CPAP: variants seen among roughly 807,000 people sequenced by gnomAD.
CPAP encodes the protein centrosomal P4.1-associated protein.
chr13:24,905,625 T>C, the CPAP span: 1 of 1,614,192 alleles, frequency 6.2e-7, no homozygotes, highest in Non-Finnish European at 8.5e-7. Context: ...TTACACAAAT[T>C]CTCTTCAAGG....
chr13:24,889,358 T>C, the CPAP span: 5 of 1,612,378 alleles, frequency 3.1e-6, no homozygotes, highest in South Asian at 2.2e-5. Flanking sequence ...TCTACCTGGG[T>C]TCCTGAAGAA....
chr13:24,900,746 A>G, the CPAP span, among the ~76,000 whole-genome samples: 1 of 152,182 alleles, frequency 6.6e-6, no homozygotes, highest in African/African-American at 2.4e-5. Flanking sequence ...GAGACCTGCT[A>G]GGAAGTGAAT....
the CPAP span, chr13:24,906,548 G>C: frequency 1.2e-6 from 2 of 1,614,158 alleles, no homozygotes; most frequent in Non-Finnish European, 1.7e-6. Context: ...TTTATTATTA[G>C]ATGTGACTTT....
At chr13:24,912,081 C>T in the CPAP span, 1 of 1,610,722 alleles carries the variant, frequency 6.2e-7, no homozygotes, top group Non-Finnish European at 8.5e-7. Context: ...TTTTTAAATA[C>T]AAAATTAACT....
the CPAP span, among the ~76,000 whole-genome samples, chr13:24,900,929 AGAG>A: frequency 6.6e-6 from 1 of 152,168 alleles, no homozygotes; most frequent in East Asian, 1.9e-4. Context: ...GGGAAGAAGA[AGAG>A]AAGAGTAAGT....
chr13:24,932,097 C>T, the CPAP span, among the ~76,000 whole-genome samples: 1 of 152,214 alleles, frequency 6.6e-6, no homozygotes, highest in Non-Finnish European at 1.5e-5. Context: ...TGATAAAGCA[C>T]GCAGAACCGC....
chr13:24,931,986 C>T, the CPAP span, among the ~76,000 whole-genome samples: 3 of 152,236 alleles, frequency 2.0e-5, no homozygotes, highest in Non-Finnish European at 4.4e-5. Context: ...CGCCTGAGGC[C>T]GGGTCCCGCT....
At chr13:24,912,995 T>G in the CPAP span, 1 of 1,614,122 alleles carries the variant, frequency 6.2e-7, no homozygotes, top group South Asian at 1.1e-5. Flanking sequence ...TGCCCACTGT[T>G]TAACTCTGAA....
At chr13:24,914,734 T>C in the CPAP span, among the ~76,000 whole-genome samples, 1 of 152,132 alleles carries the variant, frequency 6.6e-6, no homozygotes, top group Non-Finnish European at 1.5e-5. Flanking sequence ...CGTGATTGTG[T>C]CACTGAACTC....
At chr13:24,885,658 C>A in the CPAP span, 1 of 1,612,124 alleles carries the variant, frequency 6.2e-7, no homozygotes, top group African/African-American at 1.3e-5. Context: ...CTTGGATCTT[C>A]GAGGTGGATT....
the CPAP span, among the ~76,000 whole-genome samples, chr13:24,917,202 C>T: frequency 6.6e-6 from 1 of 152,020 alleles, no homozygotes; most frequent in East Asian, 1.9e-4. Context: ...TGCAGTGAGC[C>T]GAGATCGCGC....
chr13:24,929,077 T>G, the CPAP span, among the ~76,000 whole-genome samples: 1 of 152,006 alleles, frequency 6.6e-6, no homozygotes, highest in East Asian at 1.9e-4. Flanking sequence ...TTATTACACA[T>G]TTTTTTTAGA....
At chr13:24,910,452 G>A in the CPAP span, among the ~76,000 whole-genome samples, 4 of 152,240 alleles carry the variant, frequency 2.6e-5, no homozygotes, top group East Asian at 1.9e-4. Context: ...CTTGAACTCC[G>A]GACCTCAGGT....
chr13:24,919,179 T>G, the CPAP span, among the ~76,000 whole-genome samples: 1 of 152,178 alleles, frequency 6.6e-6, no homozygotes, highest in Non-Finnish European at 1.5e-5. Flanking sequence ...AAAGATATTT[T>G]CTAAAAAGTG....
chr13:24,930,705 A>T, the CPAP span, among the ~76,000 whole-genome samples: 1 of 152,042 alleles, frequency 6.6e-6, no homozygotes, highest in Non-Finnish European at 1.5e-5. Context: ...TCTTTATCCA[A>T]TCCATTGTTG....
chr13:24,898,259 G>A, the CPAP span, among the ~76,000 whole-genome samples: 1 of 152,160 alleles, frequency 6.6e-6, no homozygotes, highest in South Asian at 2.1e-4. Flanking sequence ...TAGGTGAAAT[G>A]AGGAGATGTC....
the CPAP span, chr13:24,884,187 A>ACTT: frequency 1.9e-6 from 3 of 1,614,204 alleles, no homozygotes; most frequent in Non-Finnish European, 2.5e-6. Flanking sequence ...GAAATGTAAG[A>ACTT]CTTCCAGTCC....
the CPAP span, chr13:24,886,466 A>G: frequency 5.9e-6 from 4 of 676,288 alleles, no homozygotes; most frequent in Non-Finnish European, 9.3e-6. Context: ...CAGCAATTTC[A>G]TATGATTCAA....
At chr13:24,890,973 A>G in the CPAP span, among the ~76,000 whole-genome samples, 2 of 152,048 alleles carry the variant, frequency 1.3e-5, no homozygotes, top group Non-Finnish European at 2.9e-5. Context: ...CCGTCTTAAA[A>G]AAAAAATTCC....
Sources: gnomAD v4.1 joint callset for allele counts (sites outside exome capture counted in the v4.1 genomes callset) on GRCh38, gnomAD v4.1.1 for gene constraint, MANE v1.5 for transcripts, NCBI Gene and HGNC (gene_info 2026-07-23, HGNC 2026-07-21) for gene names.